DISC1: variants seen among roughly 807,000 people sequenced by gnomAD.
The protein encoded by DISC1 is disrupted in schizophrenia 1 protein.
In DISC1, 57 loss-of-function variants were observed where a neutral mutation model predicts 84.5. The observed-to-expected ratio is 0.67, with a 90% CI of 0.55 to 0.84. DISC1 has a LOEUF of 0.84. DISC1 is among the 40% of genes least tolerant of loss of function. The pLI, the probability that DISC1 is intolerant of heterozygous loss-of-function variation, is 0.00. For missense variants in DISC1, 1,000 were observed against 1,057.8 expected, an observed-to-expected ratio of 0.95 and a Z score of 0.76; for synonymous variants, 411 against 415.2, an observed-to-expected ratio of 0.99 and a Z score of 0.12.
At chr1:231,920,326 A>T (rs1265135041) in intron 9 of DISC1, among the ~76,000 whole-genome samples, 2 of 152,216 alleles carry the variant, frequency 1.3e-5, no homozygotes, top group African/African-American at 4.8e-5. Flanking sequence ...CATTAAGGAC[A>T]TTCACATTGT....
In DISC1 at chr1:231,629,979, T is replaced by C. The variant is rs890931885; in HGVS notation, c.67+3045T>C. Among the ~76,000 whole-genome samples the C allele has an allele frequency of 3.3e-5, 5 of 152,210 alleles. No individual in the cohort carries two copies. The South Asian group carries it at 1.0e-3, about 31-fold the overall frequency. On this transcript the variant is annotated intron_variant, in intron 1 of 12. Coordinates refer to ENST00000439617, the MANE Select transcript of DISC1 (RefSeq NM_018662.3). The stretch of plus-strand genomic sequence containing the variant: ...ACGGAGTCTCGTTCTGTCGCCAGGC[T>C]GGAGTGCAGTGGCACGATCTCGGCT...
At chr1:231,819,093 G>T in intron 9 of DISC1, 1 of 986,316 alleles carries the variant, frequency 1.0e-6, no homozygotes, top group Non-Finnish European at 1.2e-6. Context: ...AGCTTACTCT[G>T]AGATTTGCAC....
At chr1:231,722,994 G>A in intron 3 of DISC1, 1 of 1,152,476 alleles carries the variant, frequency 8.7e-7, no homozygotes, top group Non-Finnish European at 1.1e-6. Context: ...AAACTTCGGA[G>A]GCCTTTAGGA....
At chr1:231,959,520 A>C (rs561219588) in intron 10 of DISC1, 2 of 985,044 alleles carry the variant, frequency 2.0e-6, no homozygotes, top group South Asian at 4.7e-5. Context: ...CCTGGAAGTC[A>C]TTTAGTTTTA....
chr1:231,890,187 T>G (rs2126002642), intron 9 of DISC1, among the ~76,000 whole-genome samples: 1 of 152,324 alleles, frequency 6.6e-6, no homozygotes, highest in Admixed American at 6.5e-5. Flanking sequence ...CACAGAGCTT[T>G]AATATAAACT....
intron 3 of DISC1, chr1:231,745,272 A>C (rs1036939309): frequency 6.6e-6 from 1 of 152,310 alleles, no homozygotes; most frequent in African/African-American, 2.4e-5. Context: ...CCCAGGCTGG[A>C]GTGCAGTGGC....
intron 9 of DISC1, among the ~76,000 whole-genome samples, chr1:231,938,844 T>C (rs1051459471): frequency 6.6e-6 from 1 of 152,198 alleles, no homozygotes; most frequent in Non-Finnish European, 1.5e-5. Context: ...GTTAGGCAAC[T>C]CTGCTTGGCT....
intron 1 of DISC1, among the ~76,000 whole-genome samples, chr1:231,651,243 G>T (rs1033371248): frequency 4.6e-5 from 7 of 152,072 alleles, no homozygotes; most frequent in African/African-American, 9.7e-5. Context: ...CTACAGATGG[G>T]GTTTTGGTGT....
chr1:231,848,608 A>G (rs1328178379), intron 9 of DISC1, among the ~76,000 whole-genome samples: 2 of 152,306 alleles, frequency 1.3e-5, no homozygotes, highest in Admixed American at 6.5e-5. Context: ...AGGATGGTCT[A>G]TCTACTTGGT....
intron 1 of DISC1, among the ~76,000 whole-genome samples, chr1:231,678,915 A>T (rs950307459): frequency 4.0e-5 from 6 of 151,434 alleles, no homozygotes; most frequent in Admixed American, 2.6e-4. Context: ...TGACCTCGTG[A>T]TCCACCCGCC....
intron 10 of DISC1, among the ~76,000 whole-genome samples, chr1:231,988,932 C>T (rs1280815124): frequency 6.6e-6 from 1 of 152,252 alleles, no homozygotes; most frequent in Non-Finnish European, 1.5e-5. Context: ...CTGACCCATA[C>T]TGCTCCTTGA....
At chr1:231,812,149 G>C (rs2759347) in intron 8 of DISC1, among the ~76,000 whole-genome samples, 34,624 of 151,894 alleles carry the variant, frequency 0.23, 4,213 homozygotes, top group East Asian at 0.39. Flanking sequence ...TCAAGCTCCT[G>C]GGCTCAAGTG....
chr1:231,694,027 C>T lies in DISC1; in HGVS notation c.269C>T (p.Ser90Leu), dbSNP rs200850282. Residue 90 changes from serine to leucine, a missense_variant, in exon 2 of 13, where the codon TCG becomes TTG. Ser to Leu is a moderately radical substitution (Grantham distance 145). Transcript: ENST00000439617. The part of the protein sequence containing the change: ...ESRARQCGLD[S>L]RGLLVRSPVS... Reference sequence around the variant, plus strand: ...AGGGCCAGACAGTGTGGCCTTGACTCGAGAGGCCTCTTGGTCCGGAGCCCT... The same window carrying T: ...AGGGCCAGACAGTGTGGCCTTGACTTGAGAGGCCTCTTGGTCCGGAGCCCT... 3.0e-4 allele frequency: 486 copies of T among 1,613,988 alleles called. No individual in the cohort carries two copies. The highest frequency in any genetic ancestry group is 3.9e-4 in the Non-Finnish European group (465 of 1,179,990).
chr1:231,995,790 G>A (rs376002807), intron 10 of DISC1, among the ~76,000 whole-genome samples: 7,789 of 150,528 alleles, frequency 0.052, 254 homozygotes, highest in East Asian at 0.2. Flanking sequence ...GAATAGTGCC[G>A]CAATAAACAT....
chr1:231,757,769 T>C (rs1317482043), intron 4 of DISC1, among the ~76,000 whole-genome samples: 1 of 152,208 alleles, frequency 6.6e-6, no homozygotes, highest in African/African-American at 2.4e-5. Context: ...TCTGCCCTGC[T>C]AGGTCTCTCT....
chr1:231,656,150 T>G (rs891779982), intron 1 of DISC1, among the ~76,000 whole-genome samples: 2 of 152,168 alleles, frequency 1.3e-5, no homozygotes, highest in South Asian at 2.1e-4. Context: ...TAGTTATAAA[T>G]TCTTTGCCTA....
intron 9 of DISC1, among the ~76,000 whole-genome samples, chr1:231,950,204 CTGTGTGTGTGTGTGTGTGTGTG>C (rs59801477): frequency 4.3e-5 from 6 of 139,440 alleles, no homozygotes; most frequent in South Asian, 4.9e-4. Flanking sequence ...AAAAAAAATT[CTGTGTGTGTGTGTGTGTGTGTG>C]TGTGTGTGTG....
intron 11 of DISC1, among the ~76,000 whole-genome samples, chr1:232,022,712 CA>C (rs2103032853): frequency 1.3e-5 from 2 of 152,310 alleles, no homozygotes; most frequent in East Asian, 3.9e-4. Context: ...TCTACCCTCT[CA>C]TCAGCTGTCA....
At chr1:231,635,362 A>G (rs823163) in intron 1 of DISC1, among the ~76,000 whole-genome samples, 57,568 of 151,644 alleles carry the variant, frequency 0.38, 11,569 homozygotes, top group East Asian at 0.81. Context: ...ATATTACAGA[A>G]TCCGTCTTTC....
Sources: allele counts gnomAD v4.1 joint callset (sites outside exome capture counted in the v4.1 genomes callset), GRCh38; gene constraint gnomAD v4.1.1; transcripts MANE v1.5; gene names NCBI Gene and HGNC (gene_info 2026-07-23, HGNC 2026-07-21).